Variants in LIPC observed in about 807,000 individuals in gnomAD.
LIPC encodes hepatic triacylglycerol lipase.
In LIPC, 44 loss-of-function variants were observed where a neutral mutation model predicts 50.7. The observed-to-expected ratio is 0.87, with a 90% confidence interval of 0.68 to 1.11. LIPC has a LOEUF of 1.11. Ranked by LOEUF, LIPC falls within the 50% of genes most tolerant of loss-of-function variation. The pLI, the probability that LIPC is intolerant of heterozygous loss-of-function variation, is 0.00. For missense variants in LIPC, 697 were observed against 648.2 expected, an observed-to-expected ratio of 1.08 and a Z score of -0.82; for synonymous variants, 271 against 256.4, an observed-to-expected ratio of 1.06 and a Z score of -0.54.
In LIPC at chr15:58,545,978, G is replaced by A. The variant is rs547284981; in HGVS notation, c.808+3G>A. The A allele has an allele frequency of 6.2e-7, 1 of 1,608,188 alleles. No homozygotes were observed. Among genetic ancestry groups the A allele is most frequent in the East Asian group, 2.2e-5 (1 of 44,850 alleles). The stretch of plus-strand genomic sequence containing the variant: ...TATTGCCCAGCACGGCTTCAATGGT[G>A]AGAATGAAGTCATGGGCCGGGAGCA... On this transcript the variant is annotated splice_donor_region_variant and intron_variant, in intron 5 of 8. Transcript: ENST00000299022.
chr15:58,495,904 T>C (rs59630303), intron 1 of LIPC, among the ~76,000 whole-genome samples: 1,995 of 152,358 alleles, frequency 0.013, 44 homozygotes, highest in African/African-American at 0.046. Context: ...CCAGAACATA[T>C]GCTCTGATAT....
chr15:58,552,681 C>A (rs1376825691), intron 6 of LIPC, among the ~76,000 whole-genome samples: 1 of 152,220 alleles, frequency 6.6e-6, no homozygotes, highest in Non-Finnish European at 1.5e-5. Flanking sequence ...CTCGGGCAGT[C>A]GGTCTGTTTT....
Position 58,471,331 on chromosome 15 carries a change from G to GGT in LIPC, c.88+39212_88+39213insTG, listed in dbSNP as rs1555399325. Among the ~76,000 whole-genome samples, 282 of 139,094 alleles carry GGT rather than the reference G, an allele frequency of 2.0e-3. 6 individuals carry two copies. Among genetic ancestry groups the GGT allele is most frequent in the African/African-American group, 7.4e-3 (264 of 35,912 alleles). 91.3% of individuals were successfully genotyped at this position (139,094 alleles called of 152,430 possible). A position where few individuals can be genotyped will look rare whatever the true frequency, so the allele number is the denominator to read the frequency against. ...TTTTTTGTATTTTTAGTAGAGATGG[G>GGT]GGGGGGTGGTCTCACCATGTTGGCC... On this transcript the variant is annotated intron_variant, in intron 1 of 8. Coordinates refer to ENST00000299022, the MANE Select transcript of LIPC (RefSeq NM_000236.3).
At chr15:58,464,655 T>G (rs1487437479) in intron 1 of LIPC, among the ~76,000 whole-genome samples, 1 of 152,130 alleles carries the variant, frequency 6.6e-6, no homozygotes, top group Non-Finnish European at 1.5e-5. Flanking sequence ...TTCTAGAAAT[T>G]TCAGTGGCTT....
chr15:58,564,720 C>G (rs1272438927), intron 8 of LIPC, among the ~76,000 whole-genome samples: 2 of 152,018 alleles, frequency 1.3e-5, no homozygotes, highest in Non-Finnish European at 2.9e-5. Flanking sequence ...GAGAGAGAGA[C>G]TCCGTCTCAA....
chr15:58,513,268 CCATTAA>C (rs1445708297), intron 1 of LIPC, among the ~76,000 whole-genome samples: 1 of 152,184 alleles, frequency 6.6e-6, no homozygotes, highest in African/African-American at 2.4e-5. Flanking sequence ...GCAGCCTGCC[CCATTAA>C]CAAGGCTTCA....
intron 1 of LIPC, among the ~76,000 whole-genome samples, chr15:58,451,588 C>A (rs445660): frequency 5.3e-5 from 8 of 151,888 alleles, no homozygotes; most frequent in African/African-American, 1.9e-4. Context: ...TGGCCACAGG[C>A]AGGAGAATGG....
intron 4 of LIPC, among the ~76,000 whole-genome samples, chr15:58,545,239 CTT>C (rs1277624679): frequency 6.8e-6 from 1 of 146,726 alleles, no homozygotes. Context: ...AACCTTATTC[CTT>C]TTTTTTTTTC....
chr15:58,462,182 C>T (rs1005710066), intron 1 of LIPC, among the ~76,000 whole-genome samples: 2 of 152,290 alleles, frequency 1.3e-5, no homozygotes, highest in East Asian at 1.9e-4. Context: ...TTCATATTTC[C>T]ACCTTCCCTA....
chr15:58,486,496 C>G (rs897773215), intron 1 of LIPC, among the ~76,000 whole-genome samples: 5 of 152,194 alleles, frequency 3.3e-5, no homozygotes, highest in African/African-American at 1.2e-4. Flanking sequence ...TAGTTATGAC[C>G]CTCTGAGATG....
intron 1 of LIPC, chr15:58,533,250 GC>G (rs1390712597): frequency 7.9e-6 from 6 of 759,402 alleles, no homozygotes; most frequent in Non-Finnish European, 9.6e-6. Flanking sequence ...TTCACTCATA[GC>G]TAAAGCATAT....
chr15:58,476,027 G>A (rs1272992377), intron 1 of LIPC, among the ~76,000 whole-genome samples: 1 of 152,230 alleles, frequency 6.6e-6, no homozygotes, highest in African/African-American at 2.4e-5. Context: ...TCTTACACCA[G>A]GCAGCGTGCC....
At chr15:58,494,907 T>C in intron 1 of LIPC, 1 of 456,038 alleles carries the variant, frequency 2.2e-6, no homozygotes, top group African/African-American at 2.0e-5. Flanking sequence ...CAATACAAAA[T>C]TAAATATTAG....
intron 1 of LIPC, among the ~76,000 whole-genome samples, chr15:58,462,273 C>T (rs2140711929): frequency 6.6e-6 from 1 of 152,282 alleles, no homozygotes; most frequent in African/African-American, 2.4e-5. Flanking sequence ...ATAGTGGATG[C>T]TGGAGAAATG....
intron 1 of LIPC, among the ~76,000 whole-genome samples, chr15:58,447,445 T>C (rs1461034460): frequency 6.6e-6 from 1 of 152,176 alleles, no homozygotes; most frequent in Non-Finnish European, 1.5e-5. Flanking sequence ...GTGTTCCCAT[T>C]ATAGGTCTTA....
At chr15:58,554,764 G>A (rs1317380486) in intron 6 of LIPC, among the ~76,000 whole-genome samples, 1 of 152,074 alleles carries the variant, frequency 6.6e-6, no homozygotes, top group Non-Finnish European at 1.5e-5. Flanking sequence ...AGGAGGAGGA[G>A]GAGGAACTAG....
intron 1 of LIPC, among the ~76,000 whole-genome samples, chr15:58,530,229 C>T (rs564616736): frequency 3.9e-5 from 6 of 152,350 alleles, no homozygotes; most frequent in African/African-American, 1.4e-4. Context: ...CCCCAGGGAA[C>T]CCTTGGCCAT....
At chr15:58,489,217 C>CGGTGGG (rs568178680) in intron 1 of LIPC, among the ~76,000 whole-genome samples, 4 of 16,550 alleles carry the variant, frequency 2.4e-4, no homozygotes, top group African/African-American at 4.9e-4. Context: ...CATTTTGTTG[C>CGGTGGG]GGGGGCGGGG....
chr15:58,489,467 T>C (rs1183046350), intron 1 of LIPC, among the ~76,000 whole-genome samples: 1 of 151,984 alleles, frequency 6.6e-6, no homozygotes, highest in Non-Finnish European at 1.5e-5. Context: ...GATTAGGGAA[T>C]GGGTGCTGCA....
Sources: allele counts gnomAD v4.1 joint callset (sites outside exome capture counted in the v4.1 genomes callset), GRCh38; gene constraint gnomAD v4.1.1; transcripts MANE v1.5; gene names NCBI Gene and HGNC (gene_info 2026-07-23, HGNC 2026-07-21).